The following NDST3 variants were observed in gnomAD, a reference collection of about 807,000 sequenced individuals.
NDST3 encodes N-deacetylase and N-sulfotransferase 3, also known as bifunctional heparan sulfate N-deacetylase/N-sulfotransferase 3.
Under a neutral mutation model 96.1 loss-of-function variants are expected in NDST3, and 58 were observed. The ratio of observed to expected loss-of-function variants is 0.60; its 90% CI spans 0.49 to 0.75. NDST3 has a LOEUF of 0.75. NDST3 is among the 30% of genes least tolerant of loss of function. NDST3 has a pLI of 0.00. For missense variants in NDST3, 788 were observed against 1,034.2 expected (o/e 0.76, Z 3.27); for synonymous variants, 333 against 359.7 (o/e 0.93, Z 0.84).
chr4:118,118,607 C>G (rs1731302275), intron 4 of NDST3, among the ~76,000 whole-genome samples: 1 of 152,152 alleles, frequency 6.6e-6, no homozygotes, highest in Admixed American at 6.5e-5. Context: ...TATGAAAGGT[C>G]AAGTAAATCC....
chr4:118,115,122 T>C (rs538662614), intron 4 of NDST3, among the ~76,000 whole-genome samples, 162 bp downstream of exon 4: 73 of 152,310 alleles, frequency 4.8e-4, no homozygotes, highest in African/African-American at 1.7e-3. Context: ...TGAGTTTGTA[T>C]TGAGTGCTCA....
chr4:118,084,846 C>T (rs1171545342), intron 2 of NDST3, among the ~76,000 whole-genome samples: 2 of 152,126 alleles, frequency 1.3e-5, no homozygotes, highest in Admixed American at 6.6e-5. Flanking sequence ...ATGGGCCAAG[C>T]GCGGTGGCTC....
At chr4:118,123,729 A>G (rs1181270682) in intron 4 of NDST3, among the ~76,000 whole-genome samples, 1 of 152,134 alleles carries the variant, frequency 6.6e-6, no homozygotes, top group Admixed American at 6.6e-5. Flanking sequence ...CAAAGATATG[A>G]CAACACTTCA....
chr4:118,084,015 C>T (rs1189827807), intron 2 of NDST3, among the ~76,000 whole-genome samples: 2 of 152,132 alleles, frequency 1.3e-5, no homozygotes, highest in Non-Finnish European at 2.9e-5. Context: ...TATGCCTCCA[C>T]CTGTATTCTT....
chr4:118,193,075 C>G (rs184300650), intron 6 of NDST3, among the ~76,000 whole-genome samples: 17 of 152,244 alleles, frequency 1.1e-4, no homozygotes, highest in African/African-American at 4.1e-4. Flanking sequence ...ATATCAGACC[C>G]CATCCCTACC....
At chr4:118,167,246 A>C (rs1735613287) in intron 6 of NDST3, among the ~76,000 whole-genome samples, 1 of 151,844 alleles carries the variant, frequency 6.6e-6, no homozygotes, top group African/African-American at 2.4e-5. Context: ...ACATACAAAA[A>C]TGAGTTATGT....
chr4:118,094,597 T>C (rs750290284), intron 2 of NDST3, among the ~76,000 whole-genome samples: 24 of 152,026 alleles, frequency 1.6e-4, no homozygotes, highest in Non-Finnish European at 2.1e-4. Context: ...AGTTACCCTA[T>C]ACAAATTTTC....
At position 118,118,221 on chromosome 4, in the gene NDST3, G is replaced by A. The variant is rs148686961; in HGVS notation, c.1224+3261G>A. Among the ~76,000 whole-genome samples the A allele has an allele frequency of 1.2e-3, 176 of 152,278 alleles. 1 individual carries two copies. The highest frequency in any genetic ancestry group is 2.2e-3 in the Non-Finnish European group (149 of 68,024). On this transcript the variant is annotated intron_variant, in intron 4 of 13. Coordinates refer to ENST00000296499, the MANE Select transcript of NDST3 (RefSeq NM_004784.3). ...TCCTGCTCTTCTCCACCAGCTTGGA[G>A]GCTCTTGATTTTAAAATGAGTGTTG...
At chr4:118,211,040 G>A (rs1054006757) in intron 6 of NDST3, among the ~76,000 whole-genome samples, 4 of 152,142 alleles carry the variant, frequency 2.6e-5, no homozygotes, top group Non-Finnish European at 5.9e-5. Flanking sequence ...TCACCCACTG[G>A]AGAACAGAGC....
chr4:118,075,222 G>C (rs1727421306), intron 2 of NDST3, among the ~76,000 whole-genome samples: 1 of 152,096 alleles, frequency 6.6e-6, no homozygotes, highest in Admixed American at 6.6e-5. Flanking sequence ...CACTACAAAG[G>C]ACATGAACTC....
intron 7 of NDST3, 53 bp from the exon 8 acceptor site, chr4:118,226,833 C>A: frequency 1.6e-6 from 2 of 1,262,710 alleles, no homozygotes; most frequent in Non-Finnish European, 2.3e-6. Flanking sequence ...AGCTGGCACA[C>A]AATGGACACA....
intron 4 of NDST3, among the ~76,000 whole-genome samples, chr4:118,126,514 GTATATATATATATATATATACACATA>G (rs747809971): frequency 4.1e-5 from 2 of 49,242 alleles, no homozygotes; most frequent in African/African-American, 4.2e-5. Context: ...GTATGTATGT[GTATATATATATATATATATACACATA>G]TATATATATA....
intron 2 of NDST3, among the ~76,000 whole-genome samples, chr4:118,076,840 C>T (rs1202863373): frequency 2.6e-5 from 4 of 152,166 alleles, no homozygotes. Context: ...CGGAAAACTA[C>T]TTCAGTCGTT....
rs1032644669 is a variant in NDST3 at position 118,080,569 on chromosome 4, A to C, written c.982-24449A>C. On this transcript the variant is annotated intron_variant, in intron 2 of 13. Coordinates refer to ENST00000296499, the MANE Select transcript of NDST3 (RefSeq NM_004784.3). ...ATCCTATTCCTAAATTAATTCACGAAAGTCTCATTTGAAGTTCTGGATCAC... is the reference window on the plus strand; with the variant it reads ...ATCCTATTCCTAAATTAATTCACGACAGTCTCATTTGAAGTTCTGGATCAC... 3.3e-5 allele frequency among the ~76,000 whole-genome samples: 5 copies of C among 152,196 alleles called. No individual in the cohort carries two copies. In the East Asian group the frequency reaches 9.7e-4, roughly 29 times the overall value.
chr4:118,144,396 G>A (rs934491347), intron 6 of NDST3, among the ~76,000 whole-genome samples: 1 of 152,088 alleles, frequency 6.6e-6, no homozygotes, highest in Non-Finnish European at 1.5e-5. Flanking sequence ...TAGCCAGGAT[G>A]GTCTCAATCT....
chr4:118,237,804 A>G lies in NDST3; in HGVS notation c.2118+584A>G, dbSNP rs1740739006. ...ACTAAAGAAACAGCTTAGTGGCAAA[A>G]CTAATATATATAAGAATCTTTAGGC... On this transcript the variant is annotated intron_variant, in intron 10 of 13. Transcript: ENST00000296499. Among the ~76,000 whole-genome samples, 4 of 152,238 alleles carry G rather than the reference A, an allele frequency of 2.6e-5. No individual in the cohort carries two copies. In the South Asian group the frequency reaches 8.3e-4, roughly 32 times the overall value.
At chr4:118,047,889 T>C (rs1009972789) in intron 1 of NDST3, among the ~76,000 whole-genome samples, 1 of 152,138 alleles carries the variant, frequency 6.6e-6, no homozygotes, top group Non-Finnish European at 1.5e-5. Context: ...CTAGGCTGCA[T>C]ACTATATGAG....
Position 118,143,465 on chromosome 4 carries a change from G to C in NDST3, c.1411-91G>C, listed in dbSNP as rs1312704823. 8.2e-6 allele frequency: 11 copies of C among 1,336,474 alleles called. No homozygotes were observed. The South Asian group carries it at 1.2e-4, about 15-fold the overall frequency. The allele number at this position is 1,336,474 out of a possible 1,614,324, so 82.8% of individuals were successfully genotyped here. A position where few individuals can be genotyped will look rare whatever the true frequency, so the allele number is the denominator to read the frequency against. On this transcript the variant is annotated intron_variant, in intron 5 of 13. Transcript: ENST00000296499. ...TTAGACCTGAATAATTCACTAGCTT[G>C]TGCATCATCTTGTGTGAGCAAAAAG...
At position 118,051,467 on chromosome 4, in the gene NDST3, GACAA is replaced by G. The variant is rs527799812; in HGVS notation, c.-155-2288_-155-2285del. ...GAAGAAACTATCAGCAGAGTAAACAGACAACCTACAGAATGGGAGAAAATATTCA... is the reference window on the plus strand; with the variant it reads ...GAAGAAACTATCAGCAGAGTAAACAGCCTACAGAATGGGAGAAAATATTCA... On this transcript the variant is annotated intron_variant, in intron 1 of 13. Coordinates refer to ENST00000296499, the MANE Select transcript of NDST3 (RefSeq NM_004784.3). 1.5e-3 allele frequency among the ~76,000 whole-genome samples: 225 copies of G among 152,212 alleles called. 1 individual carries two copies. The highest frequency in any genetic ancestry group is 5.2e-3 in the African/African-American group (218 of 41,544).
Sources: gnomAD v4.1 joint callset for allele counts (sites outside exome capture counted in the v4.1 genomes callset) on GRCh38, gnomAD v4.1.1 for gene constraint, MANE v1.5 for transcripts, NCBI Gene and HGNC (gene_info 2026-07-23, HGNC 2026-07-21) for gene names.